Variants in NALCN observed in about 807,000 individuals in gnomAD.
NALCN encodes the protein sodium leak channel, non-selective, also known as sodium leak channel NALCN.
A neutral mutation model predicts 225.3 loss-of-function variants in NALCN; 111 were observed. The ratio of observed to expected loss-of-function variants is 0.49; its 90% CI spans 0.42 to 0.58. The LOEUF (loss-of-function observed/expected upper bound fraction) is 0.58. NALCN is among the 20% of genes least tolerant of loss of function. The pLI is 0.00. For synonymous variants in NALCN, 764 were observed against 769.0 expected (o/e 0.99, Z 0.11); for missense variants, 1,378 against 2,202.4 (o/e 0.63, Z 7.49).
At chr13:101,288,690 CAATCAG>C (rs1266659359) in intron 9 of NALCN, among the ~76,000 whole-genome samples, 1 of 152,152 alleles carries the variant, frequency 6.6e-6, no homozygotes, top group Non-Finnish European at 1.5e-5. Flanking sequence ...TGTCTTTGTG[CAATCAG>C]AATATTTAAT....
chr13:101,102,313 T>TA (rs1354658385), intron 26 of NALCN, among the ~76,000 whole-genome samples: 4 of 151,870 alleles, frequency 2.6e-5, no homozygotes, highest in Non-Finnish European at 5.9e-5. Context: ...TCAGTAATGA[T>TA]ATATATACCT....
chr13:101,198,845 T>C (rs1204118866), intron 13 of NALCN, among the ~76,000 whole-genome samples: 1 of 152,240 alleles, frequency 6.6e-6, no homozygotes, highest in Non-Finnish European at 1.5e-5. Flanking sequence ...TGCATATGTA[T>C]GTTTATTGTG....
intron 12 of NALCN, among the ~76,000 whole-genome samples, chr13:101,236,873 C>A (rs1201052740): frequency 6.7e-6 from 1 of 150,134 alleles, no homozygotes; most frequent in Non-Finnish European, 1.5e-5. Flanking sequence ...ATGTAACTAA[C>A]CTGCACATTG....
In NALCN at chr13:101,132,913, CTT is replaced by C. The variant is rs150140419; in HGVS notation, c.2119-8234_2119-8233del. On this transcript the variant is annotated intron_variant, in intron 17 of 43. Coordinates refer to ENST00000251127, the MANE Select transcript of NALCN (RefSeq NM_052867.4). ...CTAATGCAAAATCGAAACTAACCAA[CTT>C]TTTGTTTGTTCTACATATGCATAAT... Among the ~76,000 whole-genome samples, 434 of 152,226 alleles carry C rather than the reference CTT, an allele frequency of 2.9e-3. 3 individuals carry two copies. Among genetic ancestry groups the C allele is most frequent in the African/African-American group, 9.3e-3 (387 of 41,554 alleles).
intron 13 of NALCN, among the ~76,000 whole-genome samples, chr13:101,208,040 T>C (rs1158823208): frequency 6.6e-6 from 1 of 151,538 alleles, no homozygotes; most frequent in Non-Finnish European, 1.5e-5. Context: ...GCGTCACTCC[T>C]GAAGCCAGCA....
intron 7 of NALCN, among the ~76,000 whole-genome samples, chr13:101,294,074 G>C (rs2043647333): frequency 6.6e-6 from 1 of 152,142 alleles, no homozygotes; most frequent in African/African-American, 2.4e-5. Context: ...AAGGTCACTG[G>C]TTAATGAAGG....
At chr13:101,064,426 C>T (rs74418067) in intron 40 of NALCN, among the ~76,000 whole-genome samples, 4,235 of 152,026 alleles carry the variant, frequency 0.028, 127 homozygotes, top group East Asian at 0.089. Context: ...TACCTCAGAA[C>T]GTAAGGTTAT....
chr13:101,259,802 C>G (rs2042364440), intron 10 of NALCN, among the ~76,000 whole-genome samples: 1 of 147,154 alleles, frequency 6.8e-6, no homozygotes. Flanking sequence ...ATGGAGTACA[C>G]AAGATGTTTT....
At chr13:101,205,490 T>C (rs1437814450) in intron 13 of NALCN, among the ~76,000 whole-genome samples, 1 of 152,136 alleles carries the variant, frequency 6.6e-6, no homozygotes, top group African/African-American at 2.4e-5. Flanking sequence ...CCCCTGACAA[T>C]CTTTCTTGCA....
intron 17 of NALCN, among the ~76,000 whole-genome samples, chr13:101,134,650 A>G (rs2036681485): frequency 6.6e-6 from 1 of 152,244 alleles, no homozygotes; most frequent in African/African-American, 2.4e-5. Flanking sequence ...TGAATCAACT[A>G]ACTTGATATA....
chr13:101,208,972 G>T lies in NALCN; in HGVS notation c.1627-16918C>A, dbSNP rs369843918. Among the ~76,000 whole-genome samples, 39 of 152,244 alleles carry T rather than the reference G, an allele frequency of 2.6e-4. No homozygotes were observed. The East Asian group carries it at 7.2e-3, about 28-fold the overall frequency. On this transcript the variant is annotated intron_variant, in intron 13 of 43. Coordinates refer to ENST00000251127, the MANE Select transcript of NALCN (RefSeq NM_052867.4). Reference sequence around the variant, plus strand: ...TATTTCTTTATAGCAATGCGTGTTTGCCCATTCATCTGTCTGCGAACCCTA... The same window carrying T: ...TATTTCTTTATAGCAATGCGTGTTTTCCCATTCATCTGTCTGCGAACCCTA...
chr13:101,114,296 A>G (rs1324512985), intron 18 of NALCN, among the ~76,000 whole-genome samples: 4 of 152,214 alleles, frequency 2.6e-5, no homozygotes, highest in African/African-American at 9.6e-5. Context: ...GGAAGAAGTA[A>G]AGATGATTAT....
At chr13:101,310,642 C>G (rs1170216801) in intron 7 of NALCN, among the ~76,000 whole-genome samples, 1 of 152,040 alleles carries the variant, frequency 6.6e-6, no homozygotes, top group African/African-American at 2.4e-5. Flanking sequence ...TCATTATTTC[C>G]TGTTTCCTTT....
At position 101,210,596 on chromosome 13, in the gene NALCN, G is replaced by A. The variant is rs115822596; in HGVS notation, c.1627-18542C>T. Among the ~76,000 whole-genome samples the A allele has an allele frequency of 4.7e-3, 720 of 152,178 alleles. 8 individuals carry two copies. The highest frequency in any genetic ancestry group is 0.017 in the African/African-American group (701 of 41,498). On this transcript the variant is annotated intron_variant, in intron 13 of 43. Coordinates refer to ENST00000251127, the MANE Select transcript of NALCN (RefSeq NM_052867.4). ...AAAATAATCTCCTAAACTGGAATTG[G>A]GGACTATTTTTAAAGTTTTAAACTT...
intron 13 of NALCN, among the ~76,000 whole-genome samples, chr13:101,215,634 G>A (rs940186162): frequency 7.2e-5 from 11 of 151,904 alleles, no homozygotes; most frequent in African/African-American, 2.4e-5. Context: ...CTTGATGGCT[G>A]TTGCCCAGGG....
intron 17 of NALCN, among the ~76,000 whole-genome samples, chr13:101,138,040 C>T (rs879750397): frequency 9.9e-5 from 15 of 152,174 alleles, no homozygotes; most frequent in Admixed American, 9.8e-4. Context: ...ATATGTCCCC[C>T]TCTGCCTGGG....
chr13:101,068,940 C>G, intron 37 of NALCN, 113 bp from the exon 38 acceptor site: 1 of 1,190,728 alleles, frequency 8.4e-7, no homozygotes, highest in Non-Finnish European at 1.1e-6. Context: ...TAATTAACTT[C>G]AAAGTAAGCT....
chr13:101,298,651 T>C (rs373131518), intron 7 of NALCN, among the ~76,000 whole-genome samples: 25 of 152,304 alleles, frequency 1.6e-4, no homozygotes, highest in Middle Eastern at 3.4e-3. Context: ...AAGAGAGCGA[T>C]GAATAGTTTA....
At chr13:101,158,970 G>A (rs1284633597) in intron 15 of NALCN, among the ~76,000 whole-genome samples, 2 of 152,180 alleles carry the variant, frequency 1.3e-5, no homozygotes, top group East Asian at 3.9e-4. Flanking sequence ...TCTCAATTTA[G>A]AAGATAGAGC....
Sources: gnomAD v4.1 joint callset for allele counts (sites outside exome capture counted in the v4.1 genomes callset) on GRCh38, gnomAD v4.1.1 for gene constraint, MANE v1.5 for transcripts, NCBI Gene and HGNC (gene_info 2026-07-23, HGNC 2026-07-21) for gene names.